Variants in RIF1 observed in about 807,000 individuals in gnomAD.
The protein encoded by RIF1 is replication timing regulatory factor 1.
A neutral mutation model predicts 247.1 loss-of-function variants in RIF1; 45 were observed. The ratio of observed to expected loss-of-function variants is 0.18; its 90% CI spans 0.14 to 0.23. RIF1 has a LOEUF of 0.23. Ranked by LOEUF, RIF1 falls within the 10% of genes least tolerant of loss-of-function variation. The pLI, the probability that RIF1 is intolerant of heterozygous loss-of-function variation, is 1.00. For missense variants in RIF1, 2,967 were observed against 2,862.5 expected (o/e 1.04, Z -0.83); for synonymous variants, 1,087 against 978.8 (o/e 1.11, Z -2.06).
intron 10 of RIF1, chr2:151,497,359 GTGT>G: frequency 1.0e-6 from 1 of 982,104 alleles, no homozygotes; most frequent in South Asian, 4.7e-5. Context: ...GAACTCAGTG[GTGT>G]TATCCACACA....
intron 1 of RIF1, 60 bp from the exon 2 acceptor site, chr2:151,410,354 C>A: frequency 7.1e-7 from 1 of 1,402,208 alleles, no homozygotes; most frequent in Non-Finnish European, 9.9e-7. Flanking sequence ...TCACACTGGG[C>A]CGCCGCGGGG....
intron 14 of RIF1, among the ~76,000 whole-genome samples, chr2:151,439,054 C>T (rs2444271): frequency 0.97 from 147,826 of 152,316 alleles, 71,912 homozygotes; most frequent in East Asian, 1. Context: ...CATATTTATA[C>T]GTTATGTGCA....
chr2:151,492,064 A>G lies in RIF1; in HGVS notation c.*416-3165A>G, dbSNP rs751729671. ...TTTGTTCTTCTACCCCCTCACTTAA[A>G]GTTAATCCCCTCCCCCAACCCAGGC... On this transcript the variant is annotated intron_variant and NMD_transcript_variant, in intron 9 of 13. Transcript: ENST00000454583. 8 of 1,603,224 alleles carry G rather than the reference A, an allele frequency of 5.0e-6. No individual in the cohort carries two copies. In the African/African-American group the frequency reaches 1.1e-4, roughly 21 times the overall value.
chr2:151,435,654 GGA>G, intron 11 of RIF1, 74 bp downstream of exon 11: 2 of 735,080 alleles, frequency 2.7e-6, no homozygotes, highest in East Asian at 2.6e-5. Context: ...TTTTGAAGTA[GGA>G]AAAAAAAAGG....
At chr2:151,492,983 CCCATGTCATA>C in intron 9 of RIF1, 1 of 220,096 alleles carries the variant, frequency 4.5e-6, no homozygotes, top group Non-Finnish European at 9.1e-6. Flanking sequence ...CAGAGTATTA[CCCATGTCATA>C]AAGTATCTTA....
rs1327845983 is a variant in RIF1, at chr2:151,433,319, C to T, written c.1077+91C>T. ...ATGTAATCCTGTGGTGTTATTTTTG[C>T]TATTTATTAGCAGACTAGAACATAT... On this transcript the variant is annotated intron_variant, in intron 10 of 35. Transcript: ENST00000444746. 6.7e-6 allele frequency: 7 copies of T among 1,043,814 alleles called. No individual in the cohort carries two copies. In the Admixed American group the frequency reaches 1.7e-4, roughly 25 times the overall value. The allele number at this position is 1,043,814 out of a possible 1,614,324, so 64.7% of individuals were successfully genotyped here.
chr2:151,497,751 C>T, intron 10 of RIF1: 1 of 1,553,714 alleles, frequency 6.4e-7, no homozygotes, highest in Non-Finnish European at 8.7e-7. Flanking sequence ...GAAAAACAAC[C>T]ATGAGTAACA....
At chr2:151,506,312 G>A (rs2068816154) in exon 13 of RIF1, 2 of 1,350,752 alleles carry the variant, frequency 1.5e-6, no homozygotes, top group East Asian at 2.3e-5. Context: ...AAACCCAGCA[G>A]TTCCTGGAGA....
chr2:151,520,607 G>A, the RIF1 span, among the ~76,000 whole-genome samples: 2 of 152,198 alleles, frequency 1.3e-5, no homozygotes, highest in African/African-American at 4.8e-5. Context: ...GCTCATGCCT[G>A]TAATCTCAGC....
chr2:151,421,133 A>G (rs540468490), intron 7 of RIF1, among the ~76,000 whole-genome samples: 1 of 152,356 alleles, frequency 6.6e-6, no homozygotes, highest in East Asian at 1.9e-4. Context: ...TGATATGTGC[A>G]GTGCATTGTT....
At chr2:151,524,451 T>TG in the RIF1 span, 1 of 1,608,832 alleles carries the variant, frequency 6.2e-7, no homozygotes, top group Non-Finnish European at 8.5e-7. Flanking sequence ...CAACAGGTGA[T>TG]GGTTGCCTGG....
rs749924365 is a variant in RIF1 at position 151,493,353 on chromosome 2, C to T, written c.*416-1876C>T. On this transcript the variant is annotated intron_variant and NMD_transcript_variant, in intron 9 of 13. Transcript: ENST00000454583. ...ATTTCTTTTTAGTCCTAGAAAATAC[C>T]GAGCTAATGTTTTCTTGGTTGCGCT... 24 of 1,604,560 alleles carry T rather than the reference C, an allele frequency of 1.5e-5. No individual in the cohort carries two copies. Among genetic ancestry groups the T allele is most frequent in the South Asian group, 3.3e-5 (3 of 90,406 alleles).
In RIF1 at chr2:151,437,256, C is replaced by G. The variant is rs776895432; in HGVS notation, c.1388C>G (p.Pro463Arg). The G allele has an allele frequency of 9.3e-6, 15 of 1,611,230 alleles. No individual in the cohort carries two copies. The Admixed American group carries it at 1.2e-4, about 13-fold the overall frequency. ...LVLSLEPLEH[P>R]LISSPSFFSK... The stretch of plus-strand genomic sequence containing the variant: ...TCCCTTTCAGAGCCATTGGAACATC[C>G]GTTAATCAGCAGCCCTTCCTTTTTT... The change falls in exon 13 of 36, where the codon CCG becomes CGG. Residue 463 changes from proline to arginine, a missense_variant. Transcript: ENST00000444746.
intron 9 of RIF1, among the ~76,000 whole-genome samples, chr2:151,488,712 A>G (rs2053431985): frequency 1.3e-5 from 2 of 152,104 alleles, no homozygotes; most frequent in Admixed American, 1.3e-4. Flanking sequence ...TTACATCTAA[A>G]TCTTTGGTAC....
chr2:151,469,668 A>G (rs1219565099), intron 33 of RIF1, 43 bp from the exon 34 acceptor site: 2 of 1,383,416 alleles, frequency 1.4e-6, no homozygotes, highest in African/African-American at 1.5e-5. Flanking sequence ...TAGCATATAA[A>G]TAAAACTATA....
chr2:151,501,440 A>G, intron 11 of RIF1: 1 of 1,546,830 alleles, frequency 6.5e-7, no homozygotes. Flanking sequence ...CTCAGGAGTG[A>G]CAGGTAGGGG....
Position 151,474,005 on chromosome 2 carries a change from T to C in RIF1, c.7137T>C (p.Ile2379=). 6.3e-7 allele frequency: 1 copy of C among 1,598,818 alleles called. No individual in the cohort carries two copies. Among genetic ancestry groups the C allele is most frequent in the Non-Finnish European group, 8.6e-7 (1 of 1,167,606 alleles). ...TAGAAGAGATTCCAGTTTTTGATAT[T>C]TCTGAAAAAACAGTAAATGGAATAG... ...RGLEEIPVFD[I]SEKTVNGIEN... Residue 2379 remains isoleucine, a synonymous_variant, in exon 35 of 36, where the codon ATT becomes ATC. Coordinates refer to ENST00000444746, the MANE Select transcript of RIF1 (RefSeq NM_018151.5).
chr2:151,411,391 TTTTGG>T, intron 3 of RIF1, 53 bp downstream of exon 3: 2 of 1,261,784 alleles, frequency 1.6e-6, no homozygotes, highest in Non-Finnish European at 2.3e-6. Flanking sequence ...TGGTTTTTTT[TTTTGG>T]TTTTGTTTTT....
At chr2:151,441,057 TG>T (rs1335105399) in intron 15 of RIF1, among the ~76,000 whole-genome samples, 1 of 152,098 alleles carries the variant, frequency 6.6e-6, no homozygotes, top group African/African-American at 2.4e-5. Flanking sequence ...GAGGGCAAGG[TG>T]GGCAAATTGC....
Sources: gnomAD v4.1 joint callset for allele counts (sites outside exome capture counted in the v4.1 genomes callset) on GRCh38, gnomAD v4.1.1 for gene constraint, MANE v1.5 for transcripts, NCBI Gene and HGNC (gene_info 2026-07-23, HGNC 2026-07-21) for gene names.